NALF1: variants seen among roughly 807,000 people sequenced by gnomAD.
NALF1 encodes the protein NALCN channel auxiliary factor 1.
NALF1 carries 3 observed loss-of-function variants against 48.4 expected under a neutral mutation model. The ratio of observed to expected loss-of-function variants is 0.06; its 90% CI spans 0.03 to 0.16. The LOEUF is 0.16. Among genes scored for constraint, NALF1 ranks in the 10% least tolerant of loss-of-function variants. NALF1 has a pLI of 1.00. For missense variants in NALF1, 526 were observed against 571.5 expected, an observed-to-expected ratio of 0.92 and a Z score of 0.81; for synonymous variants, 262 against 245.7, an observed-to-expected ratio of 1.07 and a Z score of -0.62.
intron 1 of NALF1, among the ~76,000 whole-genome samples, chr13:107,310,688 T>G (rs1882027562): frequency 6.6e-6 from 1 of 152,038 alleles, no homozygotes; most frequent in South Asian, 2.1e-4. Context: ...TTATTATTAT[T>G]ATTATTTTAG....
At chr13:107,515,801 T>C (rs906701248) in intron 1 of NALF1, among the ~76,000 whole-genome samples, 5 of 152,202 alleles carry the variant, frequency 3.3e-5, no homozygotes, top group Admixed American at 2.6e-4. Flanking sequence ...TACCCTGGTG[T>C]ACTCACTGTT....
At chr13:107,303,823 T>G (rs550038066) in intron 1 of NALF1, among the ~76,000 whole-genome samples, 1 of 152,336 alleles carries the variant, frequency 6.6e-6, no homozygotes, top group South Asian at 2.1e-4. Context: ...GACTGAGTTT[T>G]TTTTTCTAGG....
chr13:107,641,375 TG>T (rs1217174178), intron 1 of NALF1, among the ~76,000 whole-genome samples: 1 of 152,202 alleles, frequency 6.6e-6, no homozygotes, highest in Non-Finnish European at 1.5e-5. Context: ...AATAATTTGT[TG>T]CTTATTTCAA....
chr13:107,752,139 C>T (rs1594244247), intron 1 of NALF1, among the ~76,000 whole-genome samples: 1 of 151,930 alleles, frequency 6.6e-6, no homozygotes, highest in Non-Finnish European at 1.5e-5. Flanking sequence ...GATGCCTTGC[C>T]TACCTGTTGA....
At chr13:107,542,487 T>C (rs1416501051) in intron 1 of NALF1, among the ~76,000 whole-genome samples, 1 of 152,162 alleles carries the variant, frequency 6.6e-6, no homozygotes, top group Non-Finnish European at 1.5e-5. Context: ...GTGAATTGTA[T>C]GGTATGTCAG....
chr13:107,202,046 G>T (rs894187509), intron 2 of NALF1, among the ~76,000 whole-genome samples: 2 of 152,094 alleles, frequency 1.3e-5, no homozygotes, highest in Non-Finnish European at 2.9e-5. Flanking sequence ...ATAATAACCG[G>T]AGAACCATCA....
In NALF1 at chr13:107,167,803, T is replaced by A. The variant is rs1021861224; in HGVS notation, c.*2694A>T. ...AGTGTGTACCTCTTATGTAAAGCAA[T>A]GGTGGTTTTAGTTTTCCACCTTTTG... On this transcript the variant is annotated 3_prime_UTR_variant, in exon 3 of 3. Transcript: ENST00000375915. 6.6e-6 allele frequency: 1 copy of A among 152,158 alleles called. No homozygotes were observed. Among genetic ancestry groups the A allele is most frequent in the Non-Finnish European group, 1.5e-5 (1 of 68,056 alleles). The allele number at this position is 152,158 out of a possible 1,614,324, so 9.4% of individuals were successfully genotyped here.
intron 1 of NALF1, among the ~76,000 whole-genome samples, chr13:107,789,697 A>T (rs1878176083): frequency 6.6e-6 from 1 of 152,178 alleles, no homozygotes; most frequent in African/African-American, 2.4e-5. Flanking sequence ...ACTCAGACAG[A>T]TTCTTTTTCA....
intron 2 of NALF1, among the ~76,000 whole-genome samples, chr13:107,209,614 C>T (rs532793096): frequency 1.2e-4 from 18 of 152,212 alleles, no homozygotes; most frequent in East Asian, 3.9e-4. Flanking sequence ...TGTAAATAAG[C>T]GATGCTGAAA....
chr13:107,321,603 T>C (rs1882255855), intron 1 of NALF1, among the ~76,000 whole-genome samples: 1 of 152,126 alleles, frequency 6.6e-6, no homozygotes, highest in Admixed American at 6.6e-5. Context: ...TGGTAAAAAG[T>C]TGCACTCAAC....
chr13:107,411,323 A>G (rs1323671), intron 1 of NALF1, among the ~76,000 whole-genome samples: 38,110 of 145,532 alleles, frequency 0.26, 4,946 homozygotes, highest in Middle Eastern at 0.28. Context: ...TTTTTTAATC[A>G]AGACAGGGTC....
At chr13:107,628,501 ATTAG>A (rs1879745267) in intron 1 of NALF1, among the ~76,000 whole-genome samples, 1 of 152,110 alleles carries the variant, frequency 6.6e-6, no homozygotes, top group Non-Finnish European at 1.5e-5. Context: ...TGGCAAAATT[ATTAG>A]TTAGTAGGTT....
At chr13:107,652,271 C>A (rs890468689) in intron 1 of NALF1, among the ~76,000 whole-genome samples, 14 of 152,196 alleles carry the variant, frequency 9.2e-5, no homozygotes, top group African/African-American at 3.4e-4. Flanking sequence ...AATTACACTG[C>A]TCTATTTGTC....
At chr13:107,610,317 T>A (rs974558919) in intron 1 of NALF1, among the ~76,000 whole-genome samples, 1 of 152,052 alleles carries the variant, frequency 6.6e-6, no homozygotes, top group Non-Finnish European at 1.5e-5. Context: ...TAAACAAGAG[T>A]ACCCATTACA....
chr13:107,403,816 T>G (rs542321433), intron 1 of NALF1, among the ~76,000 whole-genome samples: 34 of 152,156 alleles, frequency 2.2e-4, no homozygotes, highest in African/African-American at 8.2e-4. Flanking sequence ...CAGAAACGTC[T>G]TCTTTCTTCA....
At chr13:107,854,002 T>A (rs1880380491) in intron 1 of NALF1, among the ~76,000 whole-genome samples, 2 of 152,182 alleles carry the variant, frequency 1.3e-5, no homozygotes, top group Non-Finnish European at 2.9e-5. Context: ...AATGGAGAAA[T>A]CCAATTTAGT....
chr13:107,595,490 GC>G (rs1279380602), intron 1 of NALF1, among the ~76,000 whole-genome samples: 1 of 148,822 alleles, frequency 6.7e-6, no homozygotes, highest in East Asian at 2.0e-4. Context: ...GGAAGCTTAT[GC>G]TTTTCATGGC....
chr13:107,600,257 T>C (rs1386582478), intron 1 of NALF1, among the ~76,000 whole-genome samples: 1 of 152,148 alleles, frequency 6.6e-6, no homozygotes, highest in Non-Finnish European at 1.5e-5. Flanking sequence ...TGTGATAGTA[T>C]CCTCTATAAG....
Position 107,200,601 on chromosome 13 carries a change from G to A in NALF1, c.1087+9983C>T, listed in dbSNP as rs116733819. Among the ~76,000 whole-genome samples, 761 of 152,262 alleles carry A rather than the reference G, an allele frequency of 5.0e-3. 5 individuals are homozygous for A. The highest frequency in any genetic ancestry group is 0.017 in the African/African-American group (700 of 41,540). On this transcript the variant is annotated intron_variant, in intron 2 of 2. Coordinates refer to ENST00000375915, the MANE Select transcript of NALF1 (RefSeq NM_001080396.3). ...GTAAATGATACAGCAACAAAAATAT[G>A]CCTTGCAGAACTGCATTTAATAACA...
Sources: gnomAD v4.1 joint callset for allele counts (sites outside exome capture counted in the v4.1 genomes callset) on GRCh38, gnomAD v4.1.1 for gene constraint, MANE v1.5 for transcripts, NCBI Gene and HGNC (gene_info 2026-07-23, HGNC 2026-07-21) for gene names.